Variants in AGAP1 observed in about 807,000 individuals in gnomAD.
AGAP1 encodes the protein arf-GAP with GTPase, ANK repeat and PH domain-containing protein 1.
A neutral mutation model predicts 105.3 loss-of-function variants in AGAP1; 29 were observed. The ratio of observed to expected loss-of-function variants is 0.28; its 90% confidence interval spans 0.21 to 0.38. The LOEUF (loss-of-function observed/expected upper bound fraction) is 0.38. Ranked by LOEUF, AGAP1 falls within the 10% of genes least tolerant of loss-of-function variation. AGAP1 has a pLI of 1.00. For missense variants in AGAP1, 998 were observed against 1,165.1 expected, an observed-to-expected ratio of 0.86 and a Z score of 2.09; for synonymous variants, 509 against 485.9, an observed-to-expected ratio of 1.05 and a Z score of -0.63.
chr2:235,855,652 A>G lies in AGAP1; in HGVS notation c.1051-27693A>G. The stretch of plus-strand genomic sequence containing the variant: ...ACACAGCTACTCATCTCATTCTCTT[A>G]TCTCCACTGTGCTGGGAAGACCGAG... On this transcript the variant is annotated intron_variant, in intron 9 of 17. Transcript: ENST00000304032. The surrounding 1 kb of genome is among the most constrained non-coding windows in gnomAD (Gnocchi z 5.0). Among the ~76,000 whole-genome samples, 1 of 152,160 alleles carries G rather than the reference A, an allele frequency of 6.6e-6. No homozygotes were observed. Among genetic ancestry groups the G allele is most frequent in the East Asian group, 1.9e-4 (1 of 5,186 alleles).
chr2:235,702,553 A>G (rs2149482418), intron 1 of AGAP1, among the ~76,000 whole-genome samples: 1 of 152,294 alleles, frequency 6.6e-6, no homozygotes, highest in East Asian at 1.9e-4. Context: ...GCTGAGGTAG[A>G]ATGCTAAGAT....
At chr2:235,998,655 AGGTGGT>A (rs1240014532) in intron 13 of AGAP1, among the ~76,000 whole-genome samples, 4 of 151,928 alleles carry the variant, frequency 2.6e-5, no homozygotes, top group East Asian at 1.9e-4. Flanking sequence ...TGATGGTGAG[AGGTGGT>A]GGTGGTGGTG....
intron 9 of AGAP1, among the ~76,000 whole-genome samples, chr2:235,852,439 G>A (rs908066821): frequency 5.9e-5 from 9 of 152,232 alleles, no homozygotes; most frequent in Non-Finnish European, 1.3e-4. Context: ...TTTGACAGGC[G>A]CCTGACAGGT....
At position 235,794,695 on chromosome 2, in the gene AGAP1, C is replaced by T. The variant is rs140276045; in HGVS notation, c.674-3064C>T. On this transcript the variant is annotated intron_variant, in intron 6 of 17. Coordinates refer to ENST00000304032, the MANE Select transcript of AGAP1 (RefSeq NM_001037131.3). ...CCATGTTGGCCAGGCTGGACTCGAA[C>T]TCCTGACCTCAGGTGATCTGCCCGC... is the stretch of plus-strand genomic sequence containing the variant. Among the ~76,000 whole-genome samples, 831 of 152,292 alleles carry T rather than the reference C, an allele frequency of 5.5e-3. 8 individuals carry two copies. The highest frequency in any genetic ancestry group is 0.019 in the African/African-American group (780 of 41,550).
chr2:236,112,919 T>C (rs925718642), intron 16 of AGAP1, among the ~76,000 whole-genome samples: 10 of 152,342 alleles, frequency 6.6e-5, no homozygotes, highest in Admixed American at 5.9e-4. Context: ...GGCTGAATGG[T>C]GTAAAATTCC....
At chr2:235,527,319 C>G (rs935542280) in intron 1 of AGAP1, among the ~76,000 whole-genome samples, 1 of 152,180 alleles carries the variant, frequency 6.6e-6, no homozygotes, top group African/African-American at 2.4e-5. Flanking sequence ...AAAAATTGCA[C>G]TCCATTCCTG....
rs1158813575 is a variant in AGAP1 at position 235,740,241 on chromosome 2, A to C, written c.311-722A>C. ...CCTCCTGAGAGCATCAGGGGCCGGG[A>C]CGTCCAAGGTAGCACCAGGCCCCTC... On this transcript the variant is annotated intron_variant, in intron 3 of 17. Coordinates refer to ENST00000304032, the MANE Select transcript of AGAP1 (RefSeq NM_001037131.3). The surrounding 1 kb of genome is among the most constrained non-coding windows in gnomAD (Gnocchi z 5.7). Among the ~76,000 whole-genome samples, 2 of 151,792 alleles carry C rather than the reference A, an allele frequency of 1.3e-5. No homozygotes were observed. The highest frequency in any genetic ancestry group is 2.9e-5 in the Non-Finnish European group (2 of 67,968).
Position 235,729,394 on chromosome 2 carries a change from C to T in AGAP1, c.311-11569C>T, listed in dbSNP as rs980272418. 6.6e-6 allele frequency among the ~76,000 whole-genome samples: 1 copy of T among 152,272 alleles called. No homozygotes were observed. The highest frequency in any genetic ancestry group is 1.5e-5 in the Non-Finnish European group (1 of 68,032). ...CCTCAGTGGCAGATGCAGCTCGTTC[C>T]AAGATGTTCCAGAGGCAGGAGGTTC... On this transcript the variant is annotated intron_variant, in intron 3 of 17. Coordinates refer to ENST00000304032, the MANE Select transcript of AGAP1 (RefSeq NM_001037131.3). The surrounding 1 kb of genome is among the most constrained non-coding windows in gnomAD (Gnocchi z 5.0).
At chr2:235,678,937 C>T (rs1332446080) in intron 1 of AGAP1, among the ~76,000 whole-genome samples, 36 of 152,190 alleles carry the variant, frequency 2.4e-4, no homozygotes, top group Admixed American at 2.4e-3. Flanking sequence ...CATTTGTCTT[C>T]TGGGCATCCA....
rs982227570 is a variant in AGAP1 at position 235,728,191 on chromosome 2, A to G, written c.310+10547A>G. On this transcript the variant is annotated intron_variant, in intron 3 of 17. Coordinates refer to ENST00000304032, the MANE Select transcript of AGAP1 (RefSeq NM_001037131.3). The surrounding 1 kb of genome is among the most constrained non-coding windows in gnomAD (Gnocchi z 4.3). ...CGGCAAATTAGGTCGAGTGCCAGAA[A>G]GAATTACATCAGGAGAATCTGAGAT... Among the ~76,000 whole-genome samples, 9 of 152,154 alleles carry G rather than the reference A, an allele frequency of 5.9e-5. No homozygotes were observed. Among genetic ancestry groups the G allele is most frequent in the Admixed American group, 5.2e-4 (8 of 15,278 alleles).
intron 1 of AGAP1, among the ~76,000 whole-genome samples, chr2:235,576,400 G>T (rs993619880): frequency 1.3e-5 from 2 of 152,210 alleles, no homozygotes; most frequent in Non-Finnish European, 1.5e-5. Context: ...TTCTCAGTGC[G>T]CTGTGTCCTC....
At chr2:235,529,329 A>T (rs974085234) in intron 1 of AGAP1, among the ~76,000 whole-genome samples, 2 of 152,252 alleles carry the variant, frequency 1.3e-5, no homozygotes, top group Non-Finnish European at 2.9e-5. Flanking sequence ...GTTGCCAAGT[A>T]TCTTATGTAC....
rs61111847 is a variant in AGAP1, at chr2:235,677,906, C to CAAAA, written c.164-31225_164-31222dup. ...CTTTCTGCCCCCATTAGCTCTTTAC[C>CAAAA]AAAAAAAAAAAAAAAAAAAAAAAAA... is the stretch of plus-strand genomic sequence containing the variant. On this transcript the variant is annotated intron_variant, in intron 1 of 17. Coordinates refer to ENST00000304032, the MANE Select transcript of AGAP1 (RefSeq NM_001037131.3). Among the ~76,000 whole-genome samples, 11 of 62,998 alleles carry CAAAA rather than the reference C, an allele frequency of 1.7e-4. 2 individuals are homozygous for CAAAA. Among genetic ancestry groups the CAAAA allele is most frequent in the East Asian group, 6.5e-4 (1 of 1,530 alleles). The allele number at this position is 62,998 out of a possible 152,430, so 41.3% of individuals were successfully genotyped here.
chr2:235,675,341 C>T (rs1331189490), intron 1 of AGAP1, among the ~76,000 whole-genome samples: 3 of 151,982 alleles, frequency 2.0e-5, no homozygotes, highest in African/African-American at 7.2e-5. Context: ...CAGGTGCCCG[C>T]CACCACGCCC....
At chr2:235,878,265 G>A (rs1575675654) in intron 9 of AGAP1, among the ~76,000 whole-genome samples, 1 of 152,328 alleles carries the variant, frequency 6.6e-6, no homozygotes, top group African/African-American at 2.4e-5. Context: ...TGTAACCAGC[G>A]TTCAATGCAA....
intron 12 of AGAP1, among the ~76,000 whole-genome samples, chr2:235,938,820 G>A (rs1265920253): frequency 6.6e-6 from 1 of 152,098 alleles, no homozygotes. Flanking sequence ...TAGCGTGGCT[G>A]AAAACCTGGG....
intron 11 of AGAP1, among the ~76,000 whole-genome samples, chr2:235,923,147 C>CAT (rs767897640): frequency 5.3e-5 from 8 of 152,172 alleles, no homozygotes; most frequent in Non-Finnish European, 8.8e-5. Flanking sequence ...TGTCGTCAGT[C>CAT]ATGTATTTCA....
intron 1 of AGAP1, among the ~76,000 whole-genome samples, chr2:235,519,229 C>T (rs1942524627): frequency 6.6e-6 from 1 of 152,092 alleles, no homozygotes; most frequent in Non-Finnish European, 1.5e-5. Context: ...CACACCACCA[C>T]ACCTGGCTAA....
intron 1 of AGAP1, among the ~76,000 whole-genome samples, chr2:235,583,306 TACTC>T (rs1559266367): frequency 6.6e-6 from 1 of 150,458 alleles, no homozygotes. Flanking sequence ...ATGATCCTCT[TACTC>T]AGCCTCTCAT....
Sources: gnomAD v4.1 joint callset for allele counts (sites outside exome capture counted in the v4.1 genomes callset) on GRCh38, gnomAD v4.1.1 for gene constraint, Gnocchi (gnomAD v3.1) non-coding constraint, MANE v1.5 for transcripts, NCBI Gene and HGNC (gene_info 2026-07-23, HGNC 2026-07-21) for gene names.